TMEM106A: variants seen among roughly 807,000 people sequenced by gnomAD.
TMEM106A encodes the protein transmembrane protein 106A.
Under a neutral mutation model 25.1 loss-of-function variants are expected in TMEM106A, and 22 were observed. The ratio of observed to expected loss-of-function variants is 0.88; its 90% CI spans 0.63 to 1.25. TMEM106A has a LOEUF of 1.25. TMEM106A is among the 50% of genes most tolerant of loss of function. TMEM106A has a pLI of 0.00. For missense variants in TMEM106A, 275 were observed against 318.1 expected (o/e 0.86, Z 1.03); for synonymous variants, 104 against 129.9 (o/e 0.80, Z 1.35).
intron 4 of TMEM106A, among the ~76,000 whole-genome samples, chr17:43,214,199 A>G (rs956702649): frequency 1.4e-5 from 2 of 146,430 alleles, no homozygotes; most frequent in South Asian, 2.2e-4. Context: ...AAAAAAAAAA[A>G]AAAAAAGAAA....
intron 5 of TMEM106A, 47 bp downstream of exon 5, chr17:43,215,988 C>G (rs375816248): frequency 1.2e-6 from 2 of 1,609,840 alleles, no homozygotes; most frequent in Admixed American, 1.7e-5. Flanking sequence ...AGCAATACTT[C>G]GCTGTAACCT....
At position 43,218,025 on chromosome 17, in the gene TMEM106A, C is replaced by A; in HGVS notation, c.*224C>A. The A allele has an allele frequency of 1.7e-6, 1 of 600,492 alleles. No individual in the cohort carries two copies. The allele number at this position is 600,492 out of a possible 1,614,324, so 37.2% of individuals were successfully genotyped here. ...TCCCCCAGATTCTTTCAGGGGCTGC[C>A]ATCAGATTCTGCCCTTGGTTAGTTT... On this transcript the variant is annotated 3_prime_UTR_variant, in exon 9 of 9. Transcript: ENST00000612339.
Position 43,217,308 on chromosome 17 carries a change from A to G in TMEM106A, c.664A>G (p.Ile222Val), listed in dbSNP as rs767716966. ...CAAAGTCCACCATGTGCTTTTGCAC[A>G]TCCAGTAAGTAGAGCTTGGAGCTCT... ...EIKVHHVLLH[I>V]QGTLTCSYLS... is the part of the protein sequence containing the mutation. Residue 222 changes from isoleucine to valine, a missense_variant, in exon 8 of 9, where the codon ATC becomes GTC. Physicochemically the swap from Ile to Val is conservative, Grantham distance 29. Coordinates refer to ENST00000612339, the MANE Select transcript of TMEM106A (RefSeq NM_145041.4). 1.9e-6 allele frequency: 3 copies of G among 1,614,252 alleles called. No individual in the cohort carries two copies. The highest frequency in any genetic ancestry group is 2.5e-6 in the Non-Finnish European group (3 of 1,180,030).
In TMEM106A at chr17:43,219,422, ATTTG is replaced by A. The variant is rs899928527; in HGVS notation, c.*1624_*1627del. 1 of 152,132 alleles carries A rather than the reference ATTTG, an allele frequency of 6.6e-6. No individual in the cohort carries two copies. Among genetic ancestry groups the A allele is most frequent in the African/African-American group, 2.4e-5 (1 of 41,490 alleles). The allele number at this position is 152,132 out of a possible 1,614,324, so 9.4% of individuals were successfully genotyped here. A position where few individuals can be genotyped will look rare whatever the true frequency, so the allele number is the denominator to read the frequency against. Reference sequence around the variant, plus strand: ...TGTACTTTAGCAGAACAGGAAGGATATTTGTTCATTAAAGGTGGCTTGGTCTTAC... The same window carrying A: ...TGTACTTTAGCAGAACAGGAAGGATATTCATTAAAGGTGGCTTGGTCTTAC... On this transcript the variant is annotated 3_prime_UTR_variant, in exon 9 of 9. Transcript: ENST00000612339.
rs763506165 is a variant in TMEM106A, at chr17:43,216,739, TAGTG to T, written c.614+3_614+6del. The T allele has an allele frequency of 3.7e-6, 6 of 1,614,210 alleles. No individual in the cohort carries two copies. In the East Asian group the frequency reaches 1.1e-4, roughly 30 times the overall value. ...TACCAAGATACGGGATGAAAACACATAGTGAGTACCCCTTGATCTCTTCTCCCCT... is the reference window on the plus strand; with the variant it reads ...TACCAAGATACGGGATGAAAACACATAGTACCCCTTGATCTCTTCTCCCCT... On this transcript the variant is annotated splice_donor_variant and splice_donor_region_variant and coding_sequence_variant and intron_variant, in exon 7 of 9. Coordinates refer to ENST00000612339, the MANE Select transcript of TMEM106A (RefSeq NM_145041.4). LOFTEE classifies it high-confidence loss of function.
chr17:43,216,215 C>A, intron 5 of TMEM106A: 1 of 667,244 alleles, frequency 1.5e-6, no homozygotes, highest in Non-Finnish European at 2.5e-6. Context: ...ATGGACAGGA[C>A]TGAATGGAAA....
chr17:43,216,604 C>T lies in TMEM106A; in HGVS notation c.570+15C>T. 6.2e-7 allele frequency: 1 copy of T among 1,614,138 alleles called. No homozygotes were observed. Among genetic ancestry groups the T allele is most frequent in the Non-Finnish European group, 8.5e-7 (1 of 1,179,948 alleles). On this transcript the variant is annotated intron_variant, in intron 6 of 8. Transcript: ENST00000612339. ...CCAGTGAACAGGTGACTCCCCTCTC[C>T]CTGGCCAGCCCTGCCCACTGGTGTG...
At chr17:43,217,227 G>T (rs954166159) in intron 7 of TMEM106A, 32 bp from the exon 8 acceptor site, 2 of 1,612,760 alleles carry the variant, frequency 1.2e-6, no homozygotes, top group Non-Finnish European at 1.7e-6. Flanking sequence ...CATGTGACAC[G>T]TGGTCCCACG....
At position 43,219,054 on chromosome 17, in the gene TMEM106A, CATT is replaced by C. The variant is rs1393049707; in HGVS notation, c.*1254_*1256del. 2 of 152,218 alleles carry C rather than the reference CATT, an allele frequency of 1.3e-5. No homozygotes were observed. The highest frequency in any genetic ancestry group is 4.8e-5 in the African/African-American group (2 of 41,434). The allele number at this position is 152,218 out of a possible 1,614,324, so 9.4% of individuals were successfully genotyped here. ...GGAAAAACAGAGCCAAAGACAGAAT[CATT>C]GTATAAGATATTTATTAAAGGAGAG... is the stretch of plus-strand genomic sequence containing the variant. On this transcript the variant is annotated 3_prime_UTR_variant, in exon 9 of 9. Transcript: ENST00000612339.
intron 4 of TMEM106A, among the ~76,000 whole-genome samples, chr17:43,214,228 A>G (rs1250256699): frequency 4.0e-5 from 6 of 151,108 alleles, no homozygotes; most frequent in East Asian, 3.9e-4. Flanking sequence ...GAAAAGAAAG[A>G]AAGAAAGAAA....
intron 8 of TMEM106A, 150 bp downstream of exon 8, chr17:43,217,462 C>A: frequency 7.9e-7 from 1 of 1,271,116 alleles, no homozygotes; most frequent in Non-Finnish European, 1.1e-6. Context: ...TTTTCTGAGT[C>A]TCACCTTGCC....
chr17:43,214,636 G>A (rs1049276922), intron 4 of TMEM106A, among the ~76,000 whole-genome samples: 2 of 152,010 alleles, frequency 1.3e-5, no homozygotes, highest in Non-Finnish European at 2.9e-5. Flanking sequence ...CCACCAAGCC[G>A]AACCCTCTCC....
intron 7 of TMEM106A, 160 bp from the exon 8 acceptor site, chr17:43,217,099 C>T: frequency 1.3e-6 from 1 of 760,518 alleles, no homozygotes. Context: ...CTGCTACACT[C>T]ACCTGAAGGG....
At position 43,218,060 on chromosome 17, in the gene TMEM106A, T is replaced by A; in HGVS notation, c.*259T>A. ...TGCCCTTGGTTAGTTTTTTGTTTTT[T>A]TTTTGGTAGAGACAGAGTCTCACTG... On this transcript the variant is annotated 3_prime_UTR_variant, in exon 9 of 9. Coordinates refer to ENST00000612339, the MANE Select transcript of TMEM106A (RefSeq NM_145041.4). 1 of 445,570 alleles carries A rather than the reference T, an allele frequency of 2.2e-6. No individual in the cohort carries two copies. Among genetic ancestry groups the A allele is most frequent in the East Asian group, 4.6e-5 (1 of 21,540 alleles). The allele number at this position is 445,570 out of a possible 1,614,324, so 27.6% of individuals were successfully genotyped here. A position where few individuals can be genotyped will look rare whatever the true frequency, so the allele number is the denominator to read the frequency against.
chr17:43,217,348 CACTT>C, intron 8 of TMEM106A, 36 bp downstream of exon 8: 1 of 1,608,592 alleles, frequency 6.2e-7, no homozygotes, highest in Non-Finnish European at 8.5e-7. Context: ...TCCCTGCTCT[CACTT>C]CTGACTTCAT....
rs751990320 is a variant in TMEM106A, at chr17:43,216,678, G to A, written c.571-19G>A. ...GGCAGCTGGAGTTGGGGCTAACCCT[G>A]TGCCCATTTGGTTGACAGATGTTTT... On this transcript the variant is annotated intron_variant, in intron 6 of 8. Transcript: ENST00000612339. 6.2e-7 allele frequency: 1 copy of A among 1,614,184 alleles called. No individual in the cohort carries two copies. The highest frequency in any genetic ancestry group is 1.1e-5 in the South Asian group (1 of 91,092).
In TMEM106A at chr17:43,216,853, G is replaced by T. The variant is rs2057491498; in HGVS notation, c.614+113G>T. 4 of 1,384,042 alleles carry T rather than the reference G, an allele frequency of 2.9e-6. No individual in the cohort carries two copies. In the Admixed American group the frequency reaches 6.8e-5, roughly 23 times the overall value. 85.7% of individuals were successfully genotyped at this position (1,384,042 alleles called of 1,614,324 possible). A position where few individuals can be genotyped will look rare whatever the true frequency, so the allele number is the denominator to read the frequency against. On this transcript the variant is annotated intron_variant, in intron 7 of 8. Coordinates refer to ENST00000612339, the MANE Select transcript of TMEM106A (RefSeq NM_145041.4). ...AAATTCTTCAGCCAGCATCTGGCCT[G>T]CCCTCCCATGGCCGAGAATGTAATA...
intron 4 of TMEM106A, 33 bp downstream of exon 4, chr17:43,213,924 C>T: frequency 1.9e-6 from 3 of 1,611,034 alleles, no homozygotes; most frequent in Non-Finnish European, 1.7e-6. Flanking sequence ...GCTTCACAAG[C>T]CATTGCCCCT....
At chr17:43,216,062 G>A in intron 5 of TMEM106A, 121 bp downstream of exon 5, 1 of 1,301,856 alleles carries the variant, frequency 7.7e-7, no homozygotes, top group Non-Finnish European at 1.1e-6. Context: ...GAGGGTGTTG[G>A]GAGCCTGAAG....
Sources: gnomAD v4.1 joint callset for allele counts (sites outside exome capture counted in the v4.1 genomes callset) on GRCh38, gnomAD v4.1.1 for gene constraint, MANE v1.5 for transcripts, NCBI Gene and HGNC (gene_info 2026-07-23, HGNC 2026-07-21) for gene names.